Variants in CCDC91 observed in about 807,000 individuals in gnomAD.
CCDC91 encodes coiled-coil domain containing 91.
In CCDC91, 48 loss-of-function variants were observed where a neutral mutation model predicts 63.2. The ratio of observed to expected loss-of-function variants is 0.76; its 90% CI spans 0.60 to 0.97. CCDC91 has a LOEUF of 0.97. CCDC91 is among the 50% of genes least tolerant of loss of function. The pLI is 0.00. For synonymous variants in CCDC91, 167 were observed against 165.8 expected (o/e 1.01, Z -0.06); for missense variants, 500 against 494.6 (o/e 1.01, Z -0.10).
intron 6 of CCDC91, among the ~76,000 whole-genome samples, chr12:28,319,872 C>CT (rs564005459): frequency 6.6e-6 from 1 of 151,632 alleles, no homozygotes; most frequent in African/African-American, 2.4e-5. Flanking sequence ...CTTCCTAATA[C>CT]TTTTTTACCC....
At chr12:28,332,521 A>G (rs1337855003) in intron 6 of CCDC91, among the ~76,000 whole-genome samples, 2 of 152,236 alleles carry the variant, frequency 1.3e-5, no homozygotes, top group Non-Finnish European at 2.9e-5. Flanking sequence ...CTTTCATAGG[A>G]ATAAATTAAC....
chr12:28,192,395 A>G (rs1941338283), intron 1 of CCDC91, among the ~76,000 whole-genome samples: 1 of 152,178 alleles, frequency 6.6e-6, no homozygotes, highest in Non-Finnish European at 1.5e-5. Context: ...TCCATTAAGT[A>G]AAATGGAAGG....
At chr12:28,396,004 GTTC>G (rs1304875507) in intron 8 of CCDC91, among the ~76,000 whole-genome samples, 1 of 152,154 alleles carries the variant, frequency 6.6e-6, no homozygotes, top group African/African-American at 2.4e-5. Flanking sequence ...GTGAGACATA[GTTC>G]TTCTAGTAAG....
chr12:28,313,661 G>A (rs945968025), intron 6 of CCDC91, among the ~76,000 whole-genome samples: 28 of 152,134 alleles, frequency 1.8e-4, no homozygotes, highest in East Asian at 1.2e-3. Flanking sequence ...GTGGAGAGGC[G>A]TGAATGTGCC....
intron 3 of CCDC91, among the ~76,000 whole-genome samples, chr12:28,278,215 T>A (rs1306351302): frequency 6.6e-6 from 1 of 152,044 alleles, no homozygotes; most frequent in Admixed American, 6.6e-5. Flanking sequence ...AGCTAGTCTC[T>A]TTTTCATTGT....
At chr12:28,233,844 G>C (rs1278727338) in intron 1 of CCDC91, among the ~76,000 whole-genome samples, 23 of 151,894 alleles carry the variant, frequency 1.5e-4, no homozygotes, top group Admixed American at 1.5e-3. Flanking sequence ...TTTTGAAACA[G>C]CTAACAGTTC....
chr12:28,400,081 GTTCTCC>G (rs1317350587), intron 8 of CCDC91, among the ~76,000 whole-genome samples: 1 of 152,184 alleles, frequency 6.6e-6, no homozygotes, highest in Admixed American at 6.5e-5. Context: ...CCTAGCAGAG[GTTCTCC>G]ATCATGGGTC....
chr12:28,465,050 G>A (rs1269607476), intron 11 of CCDC91, among the ~76,000 whole-genome samples: 1 of 152,146 alleles, frequency 6.6e-6, no homozygotes, highest in Non-Finnish European at 1.5e-5. Context: ...GCAGTAATCT[G>A]ACATTACTTT....
chr12:28,523,291 GTTC>G (rs1294156695), intron 12 of CCDC91, among the ~76,000 whole-genome samples: 1 of 152,134 alleles, frequency 6.6e-6, no homozygotes, highest in Non-Finnish European at 1.5e-5. Context: ...AGGATAGTTA[GTTC>G]TTCTTGTTGA....
intron 12 of CCDC91, among the ~76,000 whole-genome samples, chr12:28,501,053 A>G (rs1019114293): frequency 6.6e-6 from 1 of 151,724 alleles, no homozygotes; most frequent in African/African-American, 2.4e-5. Context: ...CTATTATTTA[A>G]CTATAGTGGT....
intron 3 of CCDC91, among the ~76,000 whole-genome samples, chr12:28,286,233 G>A (rs1948907172): frequency 6.6e-6 from 1 of 151,828 alleles, no homozygotes; most frequent in Admixed American, 6.6e-5. Context: ...TTTATTTTAA[G>A]TTCAAGGTTA....
intron 1 of CCDC91, among the ~76,000 whole-genome samples, chr12:28,207,738 T>A (rs1158577999): frequency 1.3e-5 from 2 of 152,200 alleles, no homozygotes; most frequent in Non-Finnish European, 2.9e-5. Flanking sequence ...ATTTGGATCA[T>A]TTTATCTTTT....
intron 12 of CCDC91, among the ~76,000 whole-genome samples, chr12:28,505,900 A>G (rs1233894904): frequency 6.6e-6 from 1 of 152,012 alleles, no homozygotes; most frequent in Non-Finnish European, 1.5e-5. Context: ...GACTGCTTAA[A>G]CAGCACCTTT....
At chr12:28,456,554 A>G (rs1335316957) in intron 11 of CCDC91, among the ~76,000 whole-genome samples, 5 of 152,118 alleles carry the variant, frequency 3.3e-5, no homozygotes, top group East Asian at 1.9e-4. Flanking sequence ...CTTGATTGTG[A>G]TAGCGCTTAT....
chr12:28,254,772 C>CA (rs1187300250), intron 1 of CCDC91, among the ~76,000 whole-genome samples: 1 of 128,828 alleles, frequency 7.8e-6, no homozygotes, highest in Non-Finnish European at 1.6e-5. Flanking sequence ...GTATCATCTG[C>CA]TTTTTTTTTT....
intron 11 of CCDC91, among the ~76,000 whole-genome samples, chr12:28,477,621 A>G (rs1438493966): frequency 6.6e-6 from 1 of 152,166 alleles, no homozygotes; most frequent in African/African-American, 2.4e-5. Flanking sequence ...GGCCGGGGCA[A>G]TCAGGCAGGA....
In CCDC91 at chr12:28,458,455, C is replaced by CATT. The variant is rs1950154535; in HGVS notation, c.1101+5801_1101+5802insATT. On this transcript the variant is annotated intron_variant, in intron 11 of 12. Transcript: ENST00000536442. ...TTCCCTTTTGTCCTCATTTGCACAC[C>CATT]TTTTTTTTTTTTTTTTTTTTTTTTT... is the stretch of plus-strand genomic sequence containing the variant. Among the ~76,000 whole-genome samples, 4 of 45,806 alleles carry CATT rather than the reference C, an allele frequency of 8.7e-5. No homozygotes were observed. The South Asian group carries it at 5.8e-3, about 66-fold the overall frequency. 30.1% of individuals were successfully genotyped at this position (45,806 alleles called of 152,430 possible). A position where few individuals can be genotyped will look rare whatever the true frequency, so the allele number is the denominator to read the frequency against.
intron 12 of CCDC91, among the ~76,000 whole-genome samples, chr12:28,509,117 T>C (rs1411800748): frequency 2.0e-5 from 3 of 151,904 alleles, no homozygotes; most frequent in Non-Finnish European, 2.9e-5. Flanking sequence ...GGAACCACCG[T>C]AGTTGTGTCT....
intron 8 of CCDC91, among the ~76,000 whole-genome samples, chr12:28,417,670 C>T (rs1947762085): frequency 6.7e-6 from 1 of 149,528 alleles, no homozygotes; most frequent in African/African-American, 2.5e-5. Context: ...TAAATGATTA[C>T]CACAGTCAAA....
Sources: allele counts gnomAD v4.1 joint callset (sites outside exome capture counted in the v4.1 genomes callset), GRCh38; gene constraint gnomAD v4.1.1; transcripts MANE v1.5; gene names NCBI Gene and HGNC (gene_info 2026-07-23, HGNC 2026-07-21).